The following SYNE3 variants were observed in gnomAD, a reference collection of about 807,000 sequenced individuals.
SYNE3 encodes nesprin-3.
A neutral mutation model predicts 111.2 loss-of-function variants in SYNE3; 100 were observed. The ratio of observed to expected loss-of-function variants is 0.90; its 90% CI spans 0.77 to 1.06. The LOEUF (loss-of-function observed/expected upper bound fraction) is 1.06, where lower values mean the gene tolerates loss of function less well. Ranked by LOEUF, SYNE3 falls within the 50% of genes least tolerant of loss-of-function variation. The pLI, the probability that SYNE3 is intolerant of heterozygous loss-of-function variation, is 0.00. For missense variants in SYNE3, 1,160 were observed against 1,240.3 expected (o/e 0.94, Z 0.97); for synonymous variants, 547 against 533.9 (o/e 1.02, Z -0.34).
chr14:95,418,766 C>A (rs752281257), intron 17 of SYNE3, among the ~76,000 whole-genome samples: 1 of 152,084 alleles, frequency 6.6e-6, no homozygotes, highest in Non-Finnish European at 1.5e-5. Context: ...CCATGCCCAG[C>A]TAATTGTTTT....
chr14:95,409,289 C>A lies in SYNE3; in HGVS notation c.*8537G>T, dbSNP rs768671071. 1.1e-5 allele frequency: 5 copies of A among 456,628 alleles called. No homozygotes were observed. The allele number at this position is 456,628 out of a possible 1,614,324, so 28.3% of individuals were successfully genotyped here. ...TCTGATCATGACTCCATAGCACAGGCTTTTTGAAAGTGTCATGACCATATT... is the reference window on the plus strand; with the variant it reads ...TCTGATCATGACTCCATAGCACAGGATTTTTGAAAGTGTCATGACCATATT... On this transcript the variant is annotated 3_prime_UTR_variant, in exon 18 of 18. Transcript: ENST00000682763.
chr14:95,452,020 C>T lies in SYNE3; in HGVS notation c.1274+227G>A, dbSNP rs75837526. 5.7e-5 allele frequency: 24 copies of T among 419,590 alleles called. 1 individual carries two copies. In the East Asian group the frequency reaches 8.3e-4, roughly 14 times the overall value. 26.0% of individuals were successfully genotyped at this position (419,590 alleles called of 1,614,324 possible). A position where few individuals can be genotyped will look rare whatever the true frequency, so the allele number is the denominator to read the frequency against. The stretch of plus-strand genomic sequence containing the variant: ...ATAGGATGGGTGGCTGAGCCACTAG[C>T]CTGGATAAATGCAAAGTTCAGGCCT... On this transcript the variant is annotated intron_variant, in intron 7 of 17. Transcript: ENST00000682763.
chr14:95,454,920 C>A (rs968115285), intron 6 of SYNE3, among the ~76,000 whole-genome samples: 1 of 152,172 alleles, frequency 6.6e-6, no homozygotes, highest in Non-Finnish European at 1.5e-5. Context: ...GAAGCACCCC[C>A]CACCACCGTG....
chr14:95,425,262 A>G (rs1361732265), intron 17 of SYNE3, among the ~76,000 whole-genome samples: 2 of 152,186 alleles, frequency 1.3e-5, no homozygotes, highest in Admixed American at 6.5e-5. Context: ...AAAAGAAAAG[A>G]AAAAGAAAAA....
At chr14:95,499,819 G>A (rs932142153) in intron 1 of SYNE3, among the ~76,000 whole-genome samples, 2 of 143,798 alleles carry the variant, frequency 1.4e-5, no homozygotes, top group African/African-American at 5.2e-5. Flanking sequence ...TGTCCACTGA[G>A]TTACCTAGAA....
At chr14:95,450,208 T>C (rs1489011720) in intron 7 of SYNE3, 103 bp from the exon 8 acceptor site, 5 of 1,370,876 alleles carry the variant, frequency 3.6e-6, no homozygotes, top group Non-Finnish European at 4.9e-6. Context: ...CATGCACTGC[T>C]CCCAGGGTGG....
rs1210209059 is a variant in SYNE3 at position 95,408,299 on chromosome 14, A to G, written c.*9527T>C. 2 of 152,066 alleles carry G rather than the reference A, an allele frequency of 1.3e-5. No homozygotes were observed. Among genetic ancestry groups the G allele is most frequent in the African/African-American group, 4.8e-5 (2 of 41,396 alleles). The allele number at this position is 152,066 out of a possible 1,614,324, so 9.4% of individuals were successfully genotyped here. A position where few individuals can be genotyped will look rare whatever the true frequency, so the allele number is the denominator to read the frequency against. On this transcript the variant is annotated 3_prime_UTR_variant, in exon 18 of 18. Transcript: ENST00000682763. ...CGTTCCTCCAAAGCTGGTATTGGAA[A>G]CTTGCCATTTTCCCAACACACACAC...
rs149503226 is a variant in SYNE3 at position 95,478,266 on chromosome 14, T to C, written c.-14-2431A>G. On this transcript the variant is annotated intron_variant, in intron 1 of 17. Coordinates refer to ENST00000682763, the MANE Select transcript of SYNE3 (RefSeq NM_152592.6). The stretch of plus-strand genomic sequence containing the variant: ...AGAGGCAGGCCTGATGCTATGATCG[T>C]AGCATCCAATAAGCAGACAGCAGAC... Among the ~76,000 whole-genome samples the C allele has an allele frequency of 8.3e-4, 126 of 152,276 alleles. 2 individuals carry two copies. Among genetic ancestry groups the C allele is most frequent in the African/African-American group, 2.5e-3 (103 of 41,570 alleles).
intron 1 of SYNE3, among the ~76,000 whole-genome samples, chr14:95,491,502 T>C (rs1346304642): frequency 6.6e-6 from 1 of 152,196 alleles, no homozygotes; most frequent in African/African-American, 2.4e-5. Context: ...ACAGTGGTGA[T>C]GGGACAACTG....
rs1429661670 is a variant in SYNE3, at chr14:95,408,990, G to A, written c.*8836C>T. ...TTGCCAGCTCCCTTCAGCGGTGGGA[G>A]TCAACGGACTTCCCCGCAGGAGTGG... On this transcript the variant is annotated 3_prime_UTR_variant, in exon 18 of 18. Transcript: ENST00000682763. 2.7e-6 allele frequency: 1 copy of A among 372,108 alleles called. No individual in the cohort carries two copies. The highest frequency in any genetic ancestry group is 5.4e-6 in the Non-Finnish European group (1 of 186,178). 23.1% of individuals were successfully genotyped at this position (372,108 alleles called of 1,614,324 possible). A position where few individuals can be genotyped will look rare whatever the true frequency, so the allele number is the denominator to read the frequency against.
chr14:95,466,461 T>C (rs1179258673), intron 3 of SYNE3, among the ~76,000 whole-genome samples: 1 of 152,006 alleles, frequency 6.6e-6, no homozygotes, highest in African/African-American at 2.4e-5. Flanking sequence ...GTAAATAAGC[T>C]CCCTGCGTGA....
intron 4 of SYNE3, among the ~76,000 whole-genome samples, chr14:95,457,993 T>C (rs1032841152): frequency 6.6e-6 from 1 of 152,170 alleles, no homozygotes; most frequent in Admixed American, 6.5e-5. Flanking sequence ...GTGATGTGTG[T>C]TGCATGGGTT....
intron 2 of SYNE3, among the ~76,000 whole-genome samples, chr14:95,472,115 A>G (rs930061889): frequency 6.6e-6 from 1 of 152,372 alleles, no homozygotes; most frequent in South Asian, 2.1e-4. Context: ...AGGAGGTGGC[A>G]TTGGCATGAA....
rs1032140769 is a variant in SYNE3 at position 95,409,390 on chromosome 14, C to A, written c.*8436G>T. The A allele has an allele frequency of 2.2e-6, 1 of 456,612 alleles. No homozygotes were observed. Among genetic ancestry groups the A allele is most frequent in the Non-Finnish European group, 4.4e-6 (1 of 226,976 alleles). 28.3% of individuals were successfully genotyped at this position (456,612 alleles called of 1,614,324 possible). On this transcript the variant is annotated 3_prime_UTR_variant, in exon 18 of 18. Transcript: ENST00000682763. The stretch of plus-strand genomic sequence containing the variant: ...AGAGGGACTGTAGGACTTTGTCCCT[C>A]ATCTCCACAGAGGTGCTGGGGATGG...
At chr14:95,491,219 C>G (rs1039786525) in intron 1 of SYNE3, among the ~76,000 whole-genome samples, 6 of 152,116 alleles carry the variant, frequency 3.9e-5, no homozygotes, top group Non-Finnish European at 7.3e-5. Context: ...CTGCAGGTAA[C>G]ATGTGACAGT....
chr14:95,486,646 C>T (rs28648940), intron 1 of SYNE3, among the ~76,000 whole-genome samples: 165 of 152,272 alleles, frequency 1.1e-3, no homozygotes, highest in African/African-American at 3.9e-3. Context: ...CATGGACAGA[C>T]GCTTTTAAAG....
intron 1 of SYNE3, among the ~76,000 whole-genome samples, chr14:95,508,637 G>A (rs1048068038): frequency 1.3e-5 from 2 of 152,210 alleles, no homozygotes; most frequent in African/African-American, 2.4e-5. Flanking sequence ...GGCCGGGGGA[G>A]GCACTTTTTA....
At chr14:95,438,824 A>G in intron 14 of SYNE3, 6 of 617,204 alleles carry the variant, frequency 9.7e-6, no homozygotes, top group African/African-American at 1.8e-5. Context: ...CTGGCTCTGC[A>G]GACTCTGGGA....
Position 95,433,344 on chromosome 14 carries a change from T to A in SYNE3, c.2604A>T (p.Ala868=), listed in dbSNP as rs1421805555. ...CTTCCAGCTCATCCGAGGTCCCCCT[T>A]GCTGGCCCGAGACGAAGGAGGTTCT... ...LFENLLRLGP[A]RGTSDELEDL... Residue 868 remains alanine (A), a synonymous_variant, in exon 16 of 18, where the codon GCA becomes GCT. Coordinates refer to ENST00000682763, the MANE Select transcript of SYNE3 (RefSeq NM_152592.6). 6.2e-7 allele frequency: 1 copy of A among 1,614,140 alleles called. No homozygotes were observed. Among genetic ancestry groups the A allele is most frequent in the East Asian group, 2.2e-5 (1 of 44,878 alleles).
Sources: gnomAD v4.1 joint callset for allele counts (sites outside exome capture counted in the v4.1 genomes callset) on GRCh38, gnomAD v4.1.1 for gene constraint, MANE v1.5 for transcripts, NCBI Gene and HGNC (gene_info 2026-07-23, HGNC 2026-07-21) for gene names.